The following GYPB variants were observed in gnomAD, a reference collection of about 807,000 sequenced individuals.
GYPB encodes glycophorin-B.
GYPB carries 13 observed loss-of-function variants against 15.3 expected under a neutral mutation model. The observed-to-expected ratio is 0.85, with a 90% CI of 0.55 to 1.35. The LOEUF (loss-of-function observed/expected upper bound fraction) is 1.35. Among genes scored for constraint, GYPB ranks in the 40% most tolerant of loss-of-function variants. The probability of loss-of-function intolerance (pLI) is 0.00; values close to 1 mark genes in which losing one functional copy is unlikely to be tolerated. For missense variants in GYPB, 131 were observed against 108.3 expected (o/e 1.21, Z -0.93); for synonymous variants, 38 against 36.9 (o/e 1.03, Z -0.11).
intron 1 of GYPB, among the ~76,000 whole-genome samples, chr4:144,001,619 GTA>G (rs1293415956): frequency 2.6e-5 from 4 of 151,228 alleles, no homozygotes; most frequent in Non-Finnish European, 4.4e-5. Flanking sequence ...TGTGTATGTG[GTA>G]TGTGTGTGTA....
In GYPB at chr4:143,996,135, G is replaced by T; in HGVS notation, c.*164C>A. The T allele has an allele frequency of 5.5e-6, 8 of 1,445,090 alleles. No homozygotes were observed. In the South Asian group the frequency reaches 1.1e-4, roughly 21 times the overall value. The allele number at this position is 1,445,090 out of a possible 1,614,324, so 89.5% of individuals were successfully genotyped here. On this transcript the variant is annotated 3_prime_UTR_variant, in exon 5 of 5. Transcript: ENST00000502664. The stretch of plus-strand genomic sequence containing the variant: ...TTGTATTTTGTTTTATTTTTATTTA[G>T]AAGTAGAGAATACAGTAATAGTGAG...
Position 144,015,269 on chromosome 4 carries a change from C to T in GYPB, c.37+3982G>A, listed in dbSNP as rs1728430994. ...TACAATCCCAACACTCAGAGATAAG[C>T]CCGGAATTTTTTTTCAAGATTTTTG... On this transcript the variant is annotated intron_variant, in intron 1 of 4. Coordinates refer to ENST00000502664, the MANE Select transcript of GYPB (RefSeq NM_002100.6). Among the ~76,000 whole-genome samples, 3 of 150,886 alleles carry T rather than the reference C, an allele frequency of 2.0e-5. No individual in the cohort carries two copies. In the South Asian group the frequency reaches 6.2e-4, roughly 31 times the overall value.
At chr4:144,009,021 C>T (rs1457313061) in intron 1 of GYPB, among the ~76,000 whole-genome samples, 1 of 151,556 alleles carries the variant, frequency 6.6e-6, no homozygotes, top group African/African-American at 2.5e-5. Flanking sequence ...TTAGCCTGAA[C>T]AACTTTAGAA....
rs1045021818 is a variant in GYPB, at chr4:144,003,541, G to A, written c.38-2258C>T. Among the ~76,000 whole-genome samples, 17 of 151,366 alleles carry A rather than the reference G, an allele frequency of 1.1e-4. 1 individual carries two copies. Among genetic ancestry groups the A allele is most frequent in the African/African-American group, 3.9e-4 (16 of 40,704 alleles). On this transcript the variant is annotated intron_variant, in intron 1 of 4. Coordinates refer to ENST00000502664, the MANE Select transcript of GYPB (RefSeq NM_002100.6). ...TGGGAGCTAACATCTCTTAAAATTG[G>A]CACTTTCATTATTTTAATTTTAAAT...
intron 1 of GYPB, among the ~76,000 whole-genome samples, chr4:144,005,344 T>G (rs1243181126): frequency 1.3e-5 from 2 of 151,920 alleles, no homozygotes; most frequent in African/African-American, 2.4e-5. Flanking sequence ...GCAAGATTTC[T>G]CTAATGTTTT....
chr4:144,002,286 A>G (rs1727669331), intron 1 of GYPB, among the ~76,000 whole-genome samples: 1 of 151,582 alleles, frequency 6.6e-6, no homozygotes, highest in South Asian at 2.1e-4. Flanking sequence ...AGCCATCTGA[A>G]CTTTTAGTTG....
rs1056410441 is a variant in GYPB at position 143,996,693 on chromosome 4, C to G, written c.271-389G>C. Among the ~76,000 whole-genome samples, 24 of 150,580 alleles carry G rather than the reference C, an allele frequency of 1.6e-4. 1 individual carries two copies. Among genetic ancestry groups the G allele is most frequent in the African/African-American group, 5.7e-4 (23 of 40,112 alleles). On this transcript the variant is annotated intron_variant, in intron 4 of 4. Transcript: ENST00000502664. The stretch of plus-strand genomic sequence containing the variant: ...GCTGAAGCACGAGAATCACTTGAAC[C>G]AGGGAGGCAGAGGCTGCAGTGAGCA...
chr4:144,016,140 G>GAA (rs10594193), intron 1 of GYPB, among the ~76,000 whole-genome samples: 1 of 38,844 alleles, frequency 2.6e-5, no homozygotes, highest in African/African-American at 1.1e-4. Context: ...TTGGATCCCT[G>GAA]AAAAAAAAAA....
intron 1 of GYPB, chr4:144,012,537 A>G (rs1468116175): frequency 1.3e-5 from 2 of 151,322 alleles, no homozygotes; most frequent in African/African-American, 4.9e-5. Context: ...GAAGAAGAAC[A>G]CAGTTTGGTG....
chr4:143,997,546 C>T lies in GYPB; in HGVS notation c.264G>A (p.Leu88=). The change falls in exon 4 of 5, where the codon CTG becomes CTA. Residue 88 remains leucine (L), a synonymous_variant. Transcript: ENST00000502664. ...TTAAAAACTGAATTCTCACCTTTATCAGTCGGCGAATACTGTAAGAAATTA... is the reference window on the plus strand; with the variant it reads ...TTAAAAACTGAATTCTCACCTTTATTAGTCGGCGAATACTGTAAGAAATTA... ...ILLISYSIRR[L]IKA 6.4e-7 allele frequency: 1 copy of T among 1,562,844 alleles called. No individual in the cohort carries two copies. Among genetic ancestry groups the T allele is most frequent in the South Asian group, 1.1e-5 (1 of 89,904 alleles).
chr4:144,005,379 G>A (rs1579056819), intron 1 of GYPB, among the ~76,000 whole-genome samples: 1 of 152,032 alleles, frequency 6.6e-6, no homozygotes, highest in African/African-American at 2.4e-5. Flanking sequence ...CAAGCATTGG[G>A]GCATATTGTA....
intron 1 of GYPB, among the ~76,000 whole-genome samples, chr4:144,004,679 AG>A (rs1282101821): frequency 1.3e-5 from 2 of 151,710 alleles, no homozygotes; most frequent in Non-Finnish European, 2.9e-5. Flanking sequence ...TCAAAATTCA[AG>A]GTAAGGAAAC....
At chr4:144,012,909 G>T (rs1472097969) in intron 1 of GYPB, among the ~76,000 whole-genome samples, 1 of 151,608 alleles carries the variant, frequency 6.6e-6, no homozygotes, top group African/African-American at 2.4e-5. Context: ...ATTATTTTTA[G>T]ATATGATATC....
At chr4:144,006,727 A>G (rs1365022865) in intron 1 of GYPB, among the ~76,000 whole-genome samples, 1 of 151,870 alleles carries the variant, frequency 6.6e-6, no homozygotes, top group African/African-American at 2.4e-5. Context: ...AATGCCTTAA[A>G]TAGTTTCCAA....
At chr4:143,997,317 G>A (rs1727375263) in intron 4 of GYPB, 1 of 398,908 alleles carries the variant, frequency 2.5e-6, no homozygotes, top group South Asian at 3.2e-5. Flanking sequence ...CTTTCATTGG[G>A]AAAATGGGGG....
rs375886919 is a variant in GYPB, at chr4:144,014,895, A to C, written c.37+4356T>G. Among the ~76,000 whole-genome samples the C allele has an allele frequency of 4.5e-4, 69 of 151,678 alleles. 1 individual carries two copies. Among genetic ancestry groups the C allele is most frequent in the Middle Eastern group, 3.4e-3 (1 of 294 alleles). ...GGTTATTATTATTCAGAACCTGCCT[A>C]TATATGGAACCTAACCTGCTGTATA... is the stretch of plus-strand genomic sequence containing the variant. On this transcript the variant is annotated intron_variant, in intron 1 of 4. Transcript: ENST00000502664.
downstream of GYPB, among the ~76,000 whole-genome samples, chr4:143,995,738 A>G (rs1225054083): frequency 3.3e-5 from 5 of 151,364 alleles, no homozygotes; most frequent in African/African-American, 7.4e-5. Flanking sequence ...ATCAATGGAT[A>G]CTAAAGTAAG....
chr4:144,003,314 G>A (rs1426144431), intron 1 of GYPB, among the ~76,000 whole-genome samples: 3 of 151,290 alleles, frequency 2.0e-5, no homozygotes, highest in South Asian at 4.2e-4. Context: ...AAAACATGCG[G>A]GAGCTTTGCA....
At chr4:143,999,183 A>G (rs1579047046) in intron 3 of GYPB, 2 of 416,118 alleles carry the variant, frequency 4.8e-6, no homozygotes, top group East Asian at 5.5e-5. Flanking sequence ...TATAGGGATT[A>G]TAGGCATGAG....
Sources: allele counts gnomAD v4.1 joint callset (sites outside exome capture counted in the v4.1 genomes callset), GRCh38; gene constraint gnomAD v4.1.1; transcripts MANE v1.5; gene names NCBI Gene and HGNC (gene_info 2026-07-23, HGNC 2026-07-21).